Variants in RND2 observed in about 807,000 individuals in gnomAD.
The protein encoded by RND2 is Rho family GTPase 2.
In RND2, 16 loss-of-function variants were observed where a neutral mutation model predicts 25.9. The ratio of observed to expected loss-of-function variants is 0.62; its 90% CI spans 0.42 to 0.94. The LOEUF is 0.94. Among genes scored for constraint, RND2 ranks in the 40% least tolerant of loss-of-function variants. RND2 has a pLI of 0.00. For synonymous variants in RND2, 97 were observed against 118.1 expected (o/e 0.82, Z 1.16); for missense variants, 276 against 305.5 (o/e 0.90, Z 0.72).
intron 2 of RND2, 61 bp from the exon 3 acceptor site, chr17:43,027,122 T>A (rs1487288583): frequency 9.8e-6 from 10 of 1,020,442 alleles, no homozygotes; most frequent in Non-Finnish European, 4.4e-6. Flanking sequence ...ATCTGTAAGG[T>A]CTCCCATTCC....
rs866125757 is a variant in RND2 at position 43,027,165 on chromosome 17, T to C, written c.191-18T>C. On this transcript the variant is annotated intron_variant, in intron 2 of 4. Coordinates refer to ENST00000587250, the MANE Select transcript of RND2 (RefSeq NM_005440.5). ...GCCTCCCATCCACTCAGGCCCCTCA[T>C]GCCCTGTCTTCCTTCAGGTTCCTCT... The C allele has an allele frequency of 1.3e-6, 2 of 1,548,640 alleles. No individual in the cohort carries two copies. Among genetic ancestry groups the C allele is most frequent in the Non-Finnish European group, 1.8e-6 (2 of 1,132,240 alleles).
Position 43,028,647 on chromosome 17 carries a change from C to A in RND2, c.651C>A (p.His217Gln). The change falls in exon 5 of 5, where the codon CAC becomes CAA. Residue 217 changes from histidine to glutamine, a missense_variant. His to Gln is a conservative substitution (Grantham distance 24). Transcript: ENST00000587250. The part of the protein sequence containing the change: ...RPDRGNEGEI[H>Q]KDRAKSCNLM ...ACCGGGGGAATGAGGGCGAGATACA[C>A]AAGGATCGAGCCAAAAGCTGCAACC... 1 of 1,596,740 alleles carries A rather than the reference C, an allele frequency of 6.3e-7. No homozygotes were observed. Among genetic ancestry groups the A allele is most frequent in the Non-Finnish European group, 8.5e-7 (1 of 1,171,322 alleles).
chr17:43,027,743 A>C (rs2050635636), intron 3 of RND2, among the ~76,000 whole-genome samples: 1 of 152,102 alleles, frequency 6.6e-6, no homozygotes, highest in African/African-American at 2.4e-5. Context: ...AGGGTGGGAT[A>C]AATTTGTTCC....
Position 43,028,629 on chromosome 17 carries a change from G to C in RND2, c.633G>C (p.Gly211=). Residue 211 remains glycine (G), a synonymous_variant, in exon 5 of 5, where the codon GGG becomes GGC. Transcript: ENST00000587250. ...AGCTGTCAGGACGGCCAGACCGGGG[G>C]AATGAGGGCGAGATACACAAGGATC... ...SAQLSGRPDR[G]NEGEIHKDRA... 1 of 1,608,426 alleles carries C rather than the reference G, an allele frequency of 6.2e-7. No individual in the cohort carries two copies. The highest frequency in any genetic ancestry group is 1.7e-5 in the Admixed American group (1 of 59,094).
chr17:43,030,867 A>T lies in RND2; in HGVS notation c.*2187A>T, dbSNP rs537448466. 2.0e-5 allele frequency: 3 copies of T among 152,274 alleles called. No homozygotes were observed. The highest frequency in any genetic ancestry group is 7.2e-5 in the African/African-American group (3 of 41,554). The allele number at this position is 152,274 out of a possible 1,614,324, so 9.4% of individuals were successfully genotyped here. On this transcript the variant is annotated 3_prime_UTR_variant, in exon 5 of 5. Coordinates refer to ENST00000587250, the MANE Select transcript of RND2 (RefSeq NM_005440.5). Reference sequence around the variant, plus strand: ...AAGCCACCAGGAATTTCAGGCAGAGAGTGAAGTGATCAGAGTTGTTTTTTG... The same window carrying T: ...AAGCCACCAGGAATTTCAGGCAGAGTGTGAAGTGATCAGAGTTGTTTTTTG...
chr17:43,027,023 T>C (rs1285949718), intron 2 of RND2, among the ~76,000 whole-genome samples, 160 bp from the exon 3 acceptor site: 1 of 152,176 alleles, frequency 6.6e-6, no homozygotes, highest in Non-Finnish European at 1.5e-5. Context: ...CTCCCCCACT[T>C]GGGAAACCCA....
rs749771815 is a variant in RND2 at position 43,025,947 on chromosome 17, T to C, written c.103-13T>C. On this transcript the variant is annotated splice_polypyrimidine_tract_variant and intron_variant, in intron 1 of 4. Coordinates refer to ENST00000587250, the MANE Select transcript of RND2 (RefSeq NM_005440.5). ...GGAGAGATGATCTCATCTGGATCCA[T>C]CCGTGTCTGCAGAGTTATGTCCCCA... 1 of 1,604,080 alleles carries C rather than the reference T, an allele frequency of 6.2e-7. No individual in the cohort carries two copies. The highest frequency in any genetic ancestry group is 2.2e-5 in the East Asian group (1 of 44,696).
At chr17:43,028,411 A>G (rs771728472) in intron 4 of RND2, 21 bp from the exon 5 acceptor site, 39 of 1,610,478 alleles carry the variant, frequency 2.4e-5, no homozygotes, top group Non-Finnish European at 2.7e-5. Context: ...ACTTTCTCCC[A>G]TGCACTCCTT....
At position 43,025,410 on chromosome 17, in the gene RND2, G is replaced by T; in HGVS notation, c.63G>T (p.Thr21=). 6.4e-7 allele frequency: 1 copy of T among 1,553,338 alleles called. No homozygotes were observed. The change falls in exon 1 of 5, where the codon ACG becomes ACT. Residue 21 remains threonine, a synonymous_variant. Coordinates refer to ENST00000587250, the MANE Select transcript of RND2 (RefSeq NM_005440.5). ...VVVGDAECGK[T]ALLQVFAKDA... ...TGGGAGACGCAGAGTGCGGCAAGAC[G>T]GCGCTGCTGCAGGTGTTCGCCAAGG... is the stretch of plus-strand genomic sequence containing the variant.
rs753953595 is a variant in RND2 at position 43,028,423 on chromosome 17, C to A, written c.436-9C>A. 4.3e-6 allele frequency: 7 copies of A among 1,611,592 alleles called. No individual in the cohort carries two copies. The highest frequency in any genetic ancestry group is 5.9e-6 in the Non-Finnish European group (7 of 1,177,842). On this transcript the variant is annotated splice_polypyrimidine_tract_variant and intron_variant, in intron 4 of 4. Coordinates refer to ENST00000587250, the MANE Select transcript of RND2 (RefSeq NM_005440.5). ...ATAACTTTCTCCCATGCACTCCTTC[C>A]TTTTCCAGGGCACTGTGCTGGCCAA...
At position 43,031,734 on chromosome 17, in the gene RND2, T is replaced by G. The variant is rs2050673504; in HGVS notation, c.*3054T>G. On this transcript the variant is annotated 3_prime_UTR_variant, in exon 5 of 5. Coordinates refer to ENST00000587250, the MANE Select transcript of RND2 (RefSeq NM_005440.5). ...GAGGACCCCCCAAAGTTTAATACAT[T>G]TTCAATACCACCAGGAATGGATTTT... 1 of 152,168 alleles carries G rather than the reference T, an allele frequency of 6.6e-6. No homozygotes were observed. The highest frequency in any genetic ancestry group is 2.1e-4 in the South Asian group (1 of 4,824). 9.4% of individuals were successfully genotyped at this position (152,168 alleles called of 1,614,324 possible).
rs763343655 is a variant in RND2 at position 43,028,213 on chromosome 17, TGACCTCATCCCAGCCTAGACCTG to T, written c.435+19_435+41del. The T allele has an allele frequency of 1.6e-5, 26 of 1,613,906 alleles. No homozygotes were observed. The Admixed American group carries it at 4.2e-4, about 26-fold the overall frequency. On this transcript the variant is annotated intron_variant, in intron 4 of 4. Transcript: ENST00000587250. The stretch of plus-strand genomic sequence containing the variant: ...ATGAGCAGGTGGGACCCTTGACGTC[TGACCTCATCCCAGCCTAGACCTG>T]TCACCTCTGCCCCTTCAGTCTCTGA...
rs921648554 is a variant in RND2 at position 43,030,105 on chromosome 17, C to G, written c.*1425C>G. The G allele has an allele frequency of 6.6e-6, 1 of 152,348 alleles. No individual in the cohort carries two copies. Among genetic ancestry groups the G allele is most frequent in the African/African-American group, 2.4e-5 (1 of 41,364 alleles). 9.4% of individuals were successfully genotyped at this position (152,348 alleles called of 1,614,324 possible). On this transcript the variant is annotated 3_prime_UTR_variant, in exon 5 of 5. Transcript: ENST00000587250. ...GGAGCATCAGCTGTTAGAGTCACCC[C>G]TACCCTGTCCCTTAAAGGAAAGACG...
Position 43,027,168 on chromosome 17 carries a change from C to T in RND2, c.191-15C>T. The T allele has an allele frequency of 6.4e-7, 1 of 1,564,944 alleles. No homozygotes were observed. Among genetic ancestry groups the T allele is most frequent in the Non-Finnish European group, 8.7e-7 (1 of 1,146,250 alleles). On this transcript the variant is annotated splice_polypyrimidine_tract_variant and intron_variant, in intron 2 of 4. Transcript: ENST00000587250. ...TCCCATCCACTCAGGCCCCTCATGC[C>T]CTGTCTTCCTTCAGGTTCCTCTTAC...
Position 43,025,988 on chromosome 17 carries a change from A to G in RND2, c.131A>G (p.Tyr44Cys). The G allele has an allele frequency of 6.2e-7, 1 of 1,612,958 alleles. No homozygotes were observed. Among genetic ancestry groups the G allele is most frequent in the Non-Finnish European group, 8.5e-7 (1 of 1,179,148 alleles). The change falls in exon 2 of 5, where the codon TAC becomes TGC. Residue 44 changes from tyrosine to cysteine, a missense_variant. Coordinates refer to ENST00000587250, the MANE Select transcript of RND2 (RefSeq NM_005440.5). Reference sequence around the variant, plus strand: ...TATGTCCCCACCGTGTTTGAGAACTACACTGCGAGCTTTGAGATCGACAAG... The same window carrying G: ...TATGTCCCCACCGTGTTTGAGAACTGCACTGCGAGCTTTGAGATCGACAAG... ...GSYVPTVFEN[Y>C]TASFEIDKRR...
At chr17:43,027,785 TG>T (rs1312723169) in intron 3 of RND2, among the ~76,000 whole-genome samples, 2 of 152,088 alleles carry the variant, frequency 1.3e-5, no homozygotes, top group East Asian at 3.9e-4. Context: ...CGAGTGGGAA[TG>T]GGAAGTTTCC....
chr17:43,027,075 C>G (rs1392427950), intron 2 of RND2, 108 bp from the exon 3 acceptor site: 3 of 673,762 alleles, frequency 4.5e-6, no homozygotes, highest in Non-Finnish European at 5.1e-6. Context: ...AATGGTTGCT[C>G]TTTTCCATTC....
Position 43,028,082 on chromosome 17 carries a change from T to G in RND2, c.322T>G (p.Phe108Val). 2 of 1,613,928 alleles carry G rather than the reference T, an allele frequency of 1.2e-6. No homozygotes were observed. The highest frequency in any genetic ancestry group is 1.7e-6 in the Non-Finnish European group (2 of 1,179,946). ...ATAGTGGCAAGGAGAGACTCAAGAG[T>G]TCTGCCCCAATGCCAAGGTTGTGCT... The part of the protein sequence containing the change: ...LKKWQGETQE[F>V]CPNAKVVLVG... The change falls in exon 4 of 5, where the codon TTC becomes GTC. Residue 108 changes from phenylalanine (F) to valine (V), a missense_variant. Phe to Val is a conservative substitution (Grantham distance 50). Transcript: ENST00000587250.
Position 43,028,159 on chromosome 17 carries a change from G to C in RND2, c.399G>C (p.Leu133=), listed in dbSNP as rs750475636. The change falls in exon 4 of 5, where the codon CTG becomes CTC. Residue 133 remains leucine, a synonymous_variant. Transcript: ENST00000587250. The part of the protein sequence containing the change: ...MRTDLATLRE[L]SKQRLIPVTH... ...CTGACCTGGCCACACTGAGGGAGCT[G>C]TCCAAGCAGAGGCTTATCCCTGTTA... The C allele has an allele frequency of 1.7e-5, 28 of 1,614,074 alleles. No homozygotes were observed. The highest frequency in any genetic ancestry group is 2.3e-5 in the Non-Finnish European group (27 of 1,180,040).
Sources: gnomAD v4.1 joint callset for allele counts (sites outside exome capture counted in the v4.1 genomes callset) on GRCh38, gnomAD v4.1.1 for gene constraint, MANE v1.5 for transcripts, NCBI Gene and HGNC (gene_info 2026-07-23, HGNC 2026-07-21) for gene names.